Variants in GRXCR1 observed in about 807,000 individuals in gnomAD.
GRXCR1 encodes the protein glutaredoxin and cysteine rich domain containing 1, also known as glutaredoxin domain-containing cysteine-rich protein 1.
GRXCR1 carries 27 observed loss-of-function variants against 27.3 expected under a neutral mutation model. The observed-to-expected ratio is 0.99, with a 90% CI of 0.73 to 1.37. The LOEUF (loss-of-function observed/expected upper bound fraction) is 1.37, where lower values mean the gene tolerates loss of function less well. GRXCR1 is among the 40% of genes most tolerant of loss of function. The probability of loss-of-function intolerance (pLI) is 0.00; values close to 1 mark genes in which losing one functional copy is unlikely to be tolerated. For synonymous variants in GRXCR1, 122 were observed against 131.1 expected, an observed-to-expected ratio of 0.93 and a Z score of 0.47; for missense variants, 379 against 354.4, an observed-to-expected ratio of 1.07 and a Z score of -0.56.
At chr4:42,949,019 C>T (rs78122550) in intron 1 of GRXCR1, among the ~76,000 whole-genome samples, 1,723 of 152,126 alleles carry the variant, frequency 0.011, 26 homozygotes, top group Non-Finnish European at 0.017. Flanking sequence ...TTTAGTACAG[C>T]GGCAATAGGA....
intron 2 of GRXCR1, 106 bp downstream of exon 2, chr4:42,963,240 G>T (rs146320437): frequency 1.5e-4 from 206 of 1,365,034 alleles, no homozygotes; most frequent in Non-Finnish European, 2.0e-4. Context: ...ACACTTGCTG[G>T]TTTTTTTGGA....
intron 1 of GRXCR1, among the ~76,000 whole-genome samples, chr4:42,899,290 T>A (rs374878395): frequency 6.6e-6 from 1 of 152,272 alleles, no homozygotes; most frequent in African/African-American, 2.4e-5. Context: ...CATTAATAAC[T>A]ATTTACTGCA....
chr4:42,915,799 C>G (rs1429433726), intron 1 of GRXCR1, among the ~76,000 whole-genome samples: 1 of 152,144 alleles, frequency 6.6e-6, no homozygotes, highest in Non-Finnish European at 1.5e-5. Context: ...ATGCTTCATC[C>G]TTGCCTATTA....
At chr4:43,009,429 C>A (rs563411095) in intron 2 of GRXCR1, among the ~76,000 whole-genome samples, 2 of 152,252 alleles carry the variant, frequency 1.3e-5, no homozygotes, top group African/African-American at 2.4e-5. Flanking sequence ...CTATCTCTAT[C>A]TACTTGTATT....
chr4:42,904,106 G>T (rs542659078), intron 1 of GRXCR1, among the ~76,000 whole-genome samples: 38 of 152,314 alleles, frequency 2.5e-4, no homozygotes, highest in South Asian at 1.7e-3. Context: ...CACACATTGT[G>T]ATCAGCAAGA....
chr4:42,920,890 C>T (rs924715388), intron 1 of GRXCR1, among the ~76,000 whole-genome samples: 18 of 151,388 alleles, frequency 1.2e-4, no homozygotes, highest in African/African-American at 4.1e-4. Context: ...GTACATTATT[C>T]CCAGTCTACT....
chr4:42,902,358 G>T (rs1343818605), intron 1 of GRXCR1, among the ~76,000 whole-genome samples: 1 of 152,160 alleles, frequency 6.6e-6, no homozygotes, highest in Non-Finnish European at 1.5e-5. Flanking sequence ...GGACTCCAGG[G>T]TGTCCTCTTA....
In GRXCR1 at chr4:42,893,172, T is replaced by C. The variant is rs1746270958; in HGVS notation, c.-95T>C. 21 of 1,368,126 alleles carry C rather than the reference T, an allele frequency of 1.5e-5. No individual in the cohort carries two copies. In the South Asian group the frequency reaches 2.1e-4, roughly 14 times the overall value. The allele number at this position is 1,368,126 out of a possible 1,614,324, so 84.7% of individuals were successfully genotyped here. A position where few individuals can be genotyped will look rare whatever the true frequency, so the allele number is the denominator to read the frequency against. On this transcript the variant is annotated 5_prime_UTR_variant, in exon 1 of 4. The change abolishes the stop of an existing upstream ORF in the 5' untranslated region. Coordinates refer to ENST00000399770, the MANE Select transcript of GRXCR1 (RefSeq NM_001080476.3). ...AGTTTCACAGGAGTGCTGCCATCAC[T>C]AGAATTGGCTCTGATATTGCTATCT... is the stretch of plus-strand genomic sequence containing the variant.
intron 2 of GRXCR1, among the ~76,000 whole-genome samples, chr4:42,977,209 A>G (rs1022664869): frequency 1.3e-5 from 2 of 151,916 alleles, no homozygotes; most frequent in African/African-American, 4.8e-5. Context: ...TTTTTTATCC[A>G]TTTATCCACT....
At chr4:42,983,832 T>C (rs534199041) in intron 2 of GRXCR1, among the ~76,000 whole-genome samples, 1 of 148,856 alleles carries the variant, frequency 6.7e-6, no homozygotes, top group South Asian at 2.1e-4. Flanking sequence ...TTCAGAGATT[T>C]TCTTTCTTTT....
At position 42,893,015 on chromosome 4, in the gene GRXCR1, A is replaced by G. The variant is rs11942264; in HGVS notation, c.-252A>G. Reference sequence around the variant, plus strand: ...TCCTGTTAAAGAGTCCACCATGGCTATTTAATATTTAAAGGCTGAGATCAT... The same window carrying G: ...TCCTGTTAAAGAGTCCACCATGGCTGTTTAATATTTAAAGGCTGAGATCAT... On this transcript the variant is annotated 5_prime_UTR_variant, in exon 1 of 4. Transcript: ENST00000399770. Among the ~76,000 whole-genome samples the G allele has an allele frequency of 8.5e-3, 1,301 of 152,228 alleles. 17 individuals are homozygous for G. The highest frequency in any genetic ancestry group is 0.029 in the African/African-American group (1,208 of 41,546).
intron 2 of GRXCR1, among the ~76,000 whole-genome samples, chr4:43,010,413 A>AAG (rs1046731457): frequency 2.0e-5 from 3 of 152,058 alleles, no homozygotes; most frequent in African/African-American, 7.2e-5. Flanking sequence ...CAAAAAAAAA[A>AAG]AAAAAGAGTG....
chr4:42,946,169 G>C (rs1039702587), intron 1 of GRXCR1, among the ~76,000 whole-genome samples: 1 of 152,134 alleles, frequency 6.6e-6, no homozygotes, highest in Non-Finnish European at 1.5e-5. Context: ...CCATGCCACA[G>C]CAACAACCTG....
chr4:42,905,876 T>C (rs75798130), intron 1 of GRXCR1, among the ~76,000 whole-genome samples: 1,574 of 152,270 alleles, frequency 0.01, 28 homozygotes, highest in Non-Finnish European at 0.017. Context: ...GAGGATGGGG[T>C]TGGAAATAGC....
chr4:42,933,341 A>G (rs771868539), intron 1 of GRXCR1, among the ~76,000 whole-genome samples: 1 of 151,866 alleles, frequency 6.6e-6, no homozygotes, highest in Non-Finnish European at 1.5e-5. Flanking sequence ...AACAGCTGGA[A>G]GAAGTGGTCA....
intron 1 of GRXCR1, among the ~76,000 whole-genome samples, chr4:42,938,248 A>G (rs962998765): frequency 1.3e-5 from 2 of 152,026 alleles, no homozygotes; most frequent in Non-Finnish European, 2.9e-5. Context: ...TGTAAGTGAC[A>G]GGATCTCATT....
chr4:42,982,066 T>TG (rs1458442393), intron 2 of GRXCR1, among the ~76,000 whole-genome samples: 1 of 151,746 alleles, frequency 6.6e-6, no homozygotes, highest in East Asian at 1.9e-4. Flanking sequence ...TTTTTTTTTT[T>TG]TATTATACTT....
At chr4:42,975,479 G>A (rs1006360469) in intron 2 of GRXCR1, among the ~76,000 whole-genome samples, 1 of 152,026 alleles carries the variant, frequency 6.6e-6, no homozygotes, top group Non-Finnish European at 1.5e-5. Context: ...ACCTAATAAT[G>A]TATCCTTTGT....
At chr4:42,987,242 A>AT (rs1711786345) in intron 2 of GRXCR1, among the ~76,000 whole-genome samples, 1 of 51,018 alleles carries the variant, frequency 2.0e-5, no homozygotes, top group Non-Finnish European at 4.2e-5. Flanking sequence ...TATATATATA[A>AT]TATATAATAT....
Sources: gnomAD v4.1 joint callset for allele counts (sites outside exome capture counted in the v4.1 genomes callset) on GRCh38, gnomAD v4.1.1 for gene constraint, MANE v1.5 for transcripts, NCBI Gene and HGNC (gene_info 2026-07-23, HGNC 2026-07-21) for gene names.